Variants in DLGAP4 observed in about 807,000 individuals in gnomAD.
DLGAP4 encodes disks large-associated protein 4.
Under a neutral mutation model 86.9 loss-of-function variants are expected in DLGAP4, and 18 were observed. The ratio of observed to expected loss-of-function variants is 0.21; its 90% CI spans 0.14 to 0.31. The LOEUF (loss-of-function observed/expected upper bound fraction) is 0.31, where lower values mean the gene tolerates loss of function less well. Among genes scored for constraint, DLGAP4 ranks in the 10% least tolerant of loss-of-function variants. The pLI, the probability that DLGAP4 is intolerant of heterozygous loss-of-function variation, is 1.00. For missense variants in DLGAP4, 1,085 were observed against 1,362.6 expected (o/e 0.80, Z 3.21); for synonymous variants, 548 against 574.3 (o/e 0.95, Z 0.65).
chr20:36,461,747 G>C (rs1156797486), intron 7 of DLGAP4: 1 of 845,442 alleles, frequency 1.2e-6, no homozygotes, highest in Non-Finnish European at 1.4e-6. Flanking sequence ...CCGTCCGTCC[G>C]TCCGCCCGCC....
At chr20:36,397,321 C>T (rs1028288892) in intron 2 of DLGAP4, among the ~76,000 whole-genome samples, 2 of 152,138 alleles carry the variant, frequency 1.3e-5, no homozygotes, top group South Asian at 2.1e-4. Flanking sequence ...GACACAGAAA[C>T]GAAATAGCGA....
At chr20:36,430,672 A>G (rs77531010) in intron 2 of DLGAP4, among the ~76,000 whole-genome samples, 38 of 131,360 alleles carry the variant, frequency 2.9e-4, no homozygotes, top group South Asian at 7.4e-4. Context: ...AAAAAAAAAA[A>G]GGCCAGGCAT....
chr20:36,336,328 G>C (rs1342511814), intron 1 of DLGAP4, among the ~76,000 whole-genome samples: 1 of 152,066 alleles, frequency 6.6e-6, no homozygotes, highest in African/African-American at 2.4e-5. Flanking sequence ...TTCTTCCCTA[G>C]GACCCTTGCG....
intron 2 of DLGAP4, among the ~76,000 whole-genome samples, chr20:36,402,085 G>A (rs6031703): frequency 0.053 from 8,035 of 152,266 alleles, 676 homozygotes; most frequent in African/African-American, 0.18. Context: ...ATTTACAACT[G>A]CAAATGAGCA....
In DLGAP4 at chr20:36,432,091, C is replaced by T; in HGVS notation, c.374C>T (p.Pro125Leu). 1 of 1,614,194 alleles carries T rather than the reference C, an allele frequency of 6.2e-7. No homozygotes were observed. The highest frequency in any genetic ancestry group is 1.3e-5 in the African/African-American group (1 of 75,070). Residue 125 changes from proline to leucine, a missense_variant, in exon 3 of 13, where the codon CCC (proline) becomes CTC (leucine). By Grantham distance (98) the Pro-to-Leu change is moderately conservative (BLOSUM62 -3). This residue lies in a region of DLGAP4 where 1,082 missense variants were observed against 1,344.1 expected (regional missense o/e 0.81). Transcript: ENST00000339266. The surrounding 1 kb of genome is among the most constrained non-coding windows in gnomAD (Gnocchi z 6.5). Reference protein sequence around the residue: ...HRDGFSTLQFPRGEAKARGES... With the variant: ...HRDGFSTLQFLRGEAKARGES... ...GATGGCTTCAGCACCCTCCAATTTC[C>T]CCGTGGCGAGGCCAAGGCCCGTGGT...
At chr20:36,388,625 C>T (rs1367035288) in intron 2 of DLGAP4, among the ~76,000 whole-genome samples, 1 of 152,186 alleles carries the variant, frequency 6.6e-6, no homozygotes, top group Non-Finnish European at 1.5e-5. Flanking sequence ...TTCCTGCTCA[C>T]TTACCTATTA....
chr20:36,476,371 A>G (rs1467280508), intron 7 of DLGAP4, among the ~76,000 whole-genome samples: 5 of 117,394 alleles, frequency 4.3e-5, no homozygotes, highest in Admixed American at 1.3e-4. Context: ...TCTGTCTCCC[A>G]GGCTGGAGTG....
At position 36,306,427 on chromosome 20, in the gene DLGAP4, C is replaced by G. The variant is rs2065002898; in HGVS notation, c.-389C>G. On this transcript the variant is annotated 5_prime_UTR_variant, in exon 1 of 13. Coordinates refer to ENST00000339266, the MANE Select transcript of DLGAP4 (RefSeq NM_001365621.2). The surrounding 1 kb of genome is among the most constrained non-coding windows in gnomAD (Gnocchi z 4.9). ...CGGGGCGGGGGCCGGGGCCTAGGCG[C>G]GCGGACCTGCGAGCGGACCCGAGAG... 1.3e-5 allele frequency: 2 copies of G among 149,676 alleles called. No individual in the cohort carries two copies. Among genetic ancestry groups the G allele is most frequent in the South Asian group, 3.6e-4 (2 of 5,610 alleles). 9.3% of individuals were successfully genotyped at this position (149,676 alleles called of 1,614,324 possible).
chr20:36,341,123 G>A (rs1555892441), intron 1 of DLGAP4, among the ~76,000 whole-genome samples: 1 of 152,182 alleles, frequency 6.6e-6, no homozygotes. Flanking sequence ...CTCCCTGTCT[G>A]CACAGCTCTC....
Position 36,466,595 on chromosome 20 carries a change from T to C in DLGAP4, c.1648+19658T>C, listed in dbSNP as rs547790181. On this transcript the variant is annotated intron_variant, in intron 7 of 12. Coordinates refer to ENST00000339266, the MANE Select transcript of DLGAP4 (RefSeq NM_001365621.2). ...CAGACCTGACTGTGGCTGCCTTTCC[T>C]CACTCAACCTGTGCTGGAATCAGCT... Among the ~76,000 whole-genome samples the C allele has an allele frequency of 2.0e-5, 3 of 152,340 alleles. No individual in the cohort carries two copies. The South Asian group carries it at 6.2e-4, about 32-fold the overall frequency.
chr20:36,511,643 G>C (rs1442724242), intron 10 of DLGAP4, among the ~76,000 whole-genome samples: 8 of 152,046 alleles, frequency 5.3e-5, no homozygotes, highest in African/African-American at 1.9e-4. Context: ...GGAAGGCCGA[G>C]GTAGGCAGAT....
chr20:36,339,234 C>T (rs1279979582), intron 1 of DLGAP4, among the ~76,000 whole-genome samples: 2 of 151,774 alleles, frequency 1.3e-5, no homozygotes, highest in Admixed American at 6.6e-5. Context: ...ACTGAAGGTG[C>T]GTGCCACCAT....
chr20:36,424,338 T>C (rs1006786808), intron 2 of DLGAP4, among the ~76,000 whole-genome samples: 1 of 152,110 alleles, frequency 6.6e-6, no homozygotes, highest in Admixed American at 6.5e-5. Context: ...AGTTATTGGA[T>C]GCAGGGTGCC....
intron 5 of DLGAP4, 51 bp downstream of exon 5, chr20:36,439,919 C>T (rs769689721): frequency 6.7e-7 from 1 of 1,502,512 alleles, no homozygotes; most frequent in African/African-American, 1.4e-5. Flanking sequence ...TACTGATTCC[C>T]ATCTGGGAGG....
At chr20:36,492,114 C>T (rs557289058) in intron 7 of DLGAP4, among the ~76,000 whole-genome samples, 5 of 152,184 alleles carry the variant, frequency 3.3e-5, no homozygotes, top group East Asian at 1.9e-4. Context: ...AAGGCCCCAG[C>T]GGGGGAGGAA....
intron 7 of DLGAP4, among the ~76,000 whole-genome samples, chr20:36,464,975 G>A (rs2034276451): frequency 1.3e-5 from 2 of 152,060 alleles, no homozygotes; most frequent in South Asian, 2.1e-4. Flanking sequence ...TTATTTCTTT[G>A]AGCTTCAGTT....
At chr20:36,326,879 G>A (rs1469297439) in intron 1 of DLGAP4, among the ~76,000 whole-genome samples, 2 of 151,120 alleles carry the variant, frequency 1.3e-5, no homozygotes, top group Admixed American at 1.3e-4. Flanking sequence ...GTATTTTAAA[G>A]TTGTTCCACT....
Position 36,432,151 on chromosome 20 carries a change from C to T in DLGAP4, c.434C>T (p.Ser145Leu). ...SPGRIRHLVH[S>L]VQRLFFTKAP... is the part of the protein sequence containing the mutation. ...GGCCGCATCCGCCACCTGGTCCACTCAGTCCAGCGGCTTTTCTTCACCAAG... is the reference window on the plus strand; with the variant it reads ...GGCCGCATCCGCCACCTGGTCCACTTAGTCCAGCGGCTTTTCTTCACCAAG... The change falls in exon 3 of 13, where the codon TCA becomes TTA. Residue 145 changes from serine (S) to leucine (L), a missense_variant. Transcript: ENST00000339266. The surrounding 1 kb of genome is among the most constrained non-coding windows in gnomAD (Gnocchi z 6.5). The T allele has an allele frequency of 6.2e-7, 1 of 1,614,212 alleles. No homozygotes were observed. Among genetic ancestry groups the T allele is most frequent in the Non-Finnish European group, 8.5e-7 (1 of 1,180,048 alleles).
intron 2 of DLGAP4, among the ~76,000 whole-genome samples, chr20:36,380,641 GA>G (rs2031351619): frequency 1.1e-5 from 1 of 88,900 alleles, no homozygotes; most frequent in Non-Finnish European, 2.3e-5. Flanking sequence ...GAGAGAGAGA[GA>G]GAGAGAGAGA....
Sources: allele counts gnomAD v4.1 joint callset (sites outside exome capture counted in the v4.1 genomes callset), GRCh38; gene constraint gnomAD v4.1.1; regional missense constraint gnomAD v4.1.1; non-coding constraint Gnocchi (gnomAD v3.1); transcripts MANE v1.5; gene names NCBI Gene and HGNC (gene_info 2026-07-23, HGNC 2026-07-21).